Variants in MICU3 observed in about 807,000 individuals in gnomAD.
MICU3 encodes mitochondrial calcium uptake 3, also known as calcium uptake protein 3, mitochondrial.
MICU3 carries 62 observed loss-of-function variants against 66.5 expected under a neutral mutation model. The ratio of observed to expected loss-of-function variants is 0.93; its 90% confidence interval spans 0.76 to 1.15. MICU3 has a LOEUF of 1.15. Among genes scored for constraint, MICU3 ranks in the 50% most tolerant of loss-of-function variants. The pLI is 0.00. For missense variants in MICU3, 779 were observed against 664.4 expected (o/e 1.17, Z -1.90); for synonymous variants, 308 against 240.7 (o/e 1.28, Z -2.59).
chr8:17,036,764 C>A (rs1269480092), intron 1 of MICU3, among the ~76,000 whole-genome samples: 2 of 152,238 alleles, frequency 1.3e-5, no homozygotes, highest in East Asian at 1.9e-4. Flanking sequence ...CCCAGTGGAT[C>A]CCGCACCAGG....
the MICU3 span, among the ~76,000 whole-genome samples, chr8:17,128,255 C>T: frequency 1.3e-5 from 2 of 151,848 alleles, no homozygotes; most frequent in African/African-American, 4.8e-5. Flanking sequence ...CACACACACA[C>T]ACACACACAC....
At chr8:17,056,563 G>A (rs376522165) in intron 1 of MICU3, among the ~76,000 whole-genome samples, 19 of 152,174 alleles carry the variant, frequency 1.2e-4, no homozygotes, top group East Asian at 5.8e-4. Context: ...AGACAAATAC[G>A]TAAACAGATA....
the MICU3 span, chr8:17,134,001 AT>A: frequency 6.6e-6 from 1 of 152,212 alleles, no homozygotes; most frequent in African/African-American, 2.4e-5. Flanking sequence ...CCTCTTTTTA[AT>A]TTTTAAAAAC....
At chr8:17,032,600 A>G (rs1323911784) in intron 1 of MICU3, among the ~76,000 whole-genome samples, 1 of 152,164 alleles carries the variant, frequency 6.6e-6, no homozygotes, top group Non-Finnish European at 1.5e-5. Context: ...AGTTTCCTTT[A>G]CCATATGTTT....
At chr8:17,081,797 T>G (rs1238050115) in intron 5 of MICU3, 57 bp downstream of exon 5, 1 of 777,800 alleles carries the variant, frequency 1.3e-6, no homozygotes, top group African/African-American at 1.7e-5. Context: ...AAACGAATCT[T>G]GGAAAGCAGA....
the MICU3 span, among the ~76,000 whole-genome samples, chr8:17,128,313 TAATC>T: frequency 6.6e-6 from 1 of 151,298 alleles, no homozygotes; most frequent in Non-Finnish European, 1.5e-5. Flanking sequence ...TCTTACATGA[TAATC>T]AAGCATAAAC....
chr8:17,070,549 T>C (rs1323726957), intron 3 of MICU3, among the ~76,000 whole-genome samples: 1 of 152,076 alleles, frequency 6.6e-6, no homozygotes, highest in Non-Finnish European at 1.5e-5. Flanking sequence ...TCAAAGAGGC[T>C]TTAAAGTACT....
rs535494410 is a variant in MICU3 at position 17,113,955 on chromosome 8, C to T, written c.1258-138C>T. ...ATTTTACATTCCAGTTGGAGAACAA[C>T]GTCAAAATGTGCCCTGGAAATGTTT... On this transcript the variant is annotated intron_variant, in intron 11 of 14. Transcript: ENST00000318063. 8.5e-5 allele frequency: 44 copies of T among 519,898 alleles called. No homozygotes were observed. The East Asian group carries it at 1.1e-3, about 14-fold the overall frequency. The allele number at this position is 519,898 out of a possible 1,614,324, so 32.2% of individuals were successfully genotyped here. A position where few individuals can be genotyped will look rare whatever the true frequency, so the allele number is the denominator to read the frequency against.
intron 1 of MICU3, among the ~76,000 whole-genome samples, chr8:17,048,130 A>G (rs928435906): frequency 2.6e-5 from 4 of 152,232 alleles, no homozygotes; most frequent in African/African-American, 9.6e-5. Flanking sequence ...AGAGGAATAT[A>G]TATGTTTCGA....
At chr8:17,092,376 A>C (rs566497987) in intron 8 of MICU3, among the ~76,000 whole-genome samples, 1 of 152,218 alleles carries the variant, frequency 6.6e-6, no homozygotes, top group South Asian at 2.1e-4. Context: ...CTACATATGC[A>C]AATTGCAGTC....
At chr8:17,112,637 T>G (rs1802307953) in intron 11 of MICU3, among the ~76,000 whole-genome samples, 1 of 152,250 alleles carries the variant, frequency 6.6e-6, no homozygotes, top group African/African-American at 2.4e-5. Flanking sequence ...TTGAAAAATC[T>G]GAAAGTTCAG....
chr8:17,032,802 C>T (rs1812317111), intron 1 of MICU3, among the ~76,000 whole-genome samples: 1 of 152,176 alleles, frequency 6.6e-6, no homozygotes, highest in Non-Finnish European at 1.5e-5. Context: ...AATCAGTTGG[C>T]ACCATTTTTC....
At position 17,066,602 on chromosome 8, in the gene MICU3, A is replaced by G. The variant is rs893153080; in HGVS notation, c.535+2365A>G. Among the ~76,000 whole-genome samples, 3 of 138,804 alleles carry G rather than the reference A, an allele frequency of 2.2e-5. No individual in the cohort carries two copies. The Admixed American group carries it at 2.3e-4, about 11-fold the overall frequency. The allele number at this position is 138,804 out of a possible 152,430, so 91.1% of individuals were successfully genotyped here. On this transcript the variant is annotated intron_variant, in intron 2 of 14. Coordinates refer to ENST00000318063, the MANE Select transcript of MICU3 (RefSeq NM_181723.3). ...CTGTCCCCCGGGCTGGAGTTCAGTGACGTGATCACTACTCACTACAACCTC... is the reference window on the plus strand; with the variant it reads ...CTGTCCCCCGGGCTGGAGTTCAGTGGCGTGATCACTACTCACTACAACCTC...
chr8:17,092,291 ATTTTTT>A (rs577152653), intron 8 of MICU3, among the ~76,000 whole-genome samples: 1 of 150,858 alleles, frequency 6.6e-6, no homozygotes, highest in East Asian at 1.9e-4. Context: ...GTCATTATGC[ATTTTTT>A]TTTAGAAAAA....
chr8:17,088,667 C>T (rs1372128895), intron 7 of MICU3, among the ~76,000 whole-genome samples: 1 of 151,742 alleles, frequency 6.6e-6, no homozygotes, highest in Non-Finnish European at 1.5e-5. Context: ...CCAGAGAGGA[C>T]TTACACATCT....
chr8:17,095,931 C>G (rs1267430041), intron 8 of MICU3, among the ~76,000 whole-genome samples: 1 of 151,994 alleles, frequency 6.6e-6, no homozygotes, highest in Non-Finnish European at 1.5e-5. Flanking sequence ...ATAACAGACT[C>G]TGAACTTAAG....
chr8:17,028,861 C>T (rs909981739), intron 1 of MICU3, among the ~76,000 whole-genome samples: 1 of 151,956 alleles, frequency 6.6e-6, no homozygotes, highest in Non-Finnish European at 1.5e-5. Flanking sequence ...GATGGCAGAA[C>T]TTTTAATTAA....
At chr8:17,081,258 G>T (rs1211472766) in intron 4 of MICU3, among the ~76,000 whole-genome samples, 1 of 152,108 alleles carries the variant, frequency 6.6e-6, no homozygotes, top group Non-Finnish European at 1.5e-5. Context: ...CAGGGTCTAA[G>T]TGTTTTATCC....
the MICU3 span, among the ~76,000 whole-genome samples, chr8:17,127,664 G>A: frequency 1.3e-5 from 2 of 152,146 alleles, no homozygotes; most frequent in African/African-American, 4.8e-5. Context: ...ACATAAAGAT[G>A]TATGTTAGTA....
Sources: allele counts gnomAD v4.1 joint callset (sites outside exome capture counted in the v4.1 genomes callset), GRCh38; gene constraint gnomAD v4.1.1; transcripts MANE v1.5; gene names NCBI Gene and HGNC (gene_info 2026-07-23, HGNC 2026-07-21).